Variants in CELSR1 observed in about 807,000 individuals in gnomAD.
CELSR1 encodes the protein cadherin EGF LAG seven-pass G-type receptor 1.
CELSR1 carries 110 observed loss-of-function variants against 249.1 expected under a neutral mutation model. The ratio of observed to expected loss-of-function variants is 0.44; its 90% confidence interval spans 0.38 to 0.52. The LOEUF (loss-of-function observed/expected upper bound fraction) is 0.52. CELSR1 is among the 20% of genes least tolerant of loss of function. CELSR1 has a pLI of 0.00. For synonymous variants in CELSR1, 2,113 were observed against 1,900.0 expected (o/e 1.11, Z -2.92); for missense variants, 4,109 against 4,296.4 (o/e 0.96, Z 1.22).
At chr22:46,376,999 G>T in intron 24 of CELSR1, 62 bp downstream of exon 24, 1 of 1,558,716 alleles carries the variant, frequency 6.4e-7, no homozygotes, top group Non-Finnish European at 8.7e-7. Context: ...GCCAGGACAG[G>T]ACTATGGTAG....
chr22:46,480,833 T>C (rs1250522981), intron 1 of CELSR1, among the ~76,000 whole-genome samples: 7 of 152,248 alleles, frequency 4.6e-5, no homozygotes, highest in Admixed American at 3.9e-4. Flanking sequence ...CTTTTTTCCG[T>C]TTCATTTTTT....
rs1270067212 is a variant in CELSR1, at chr22:46,398,252, T to C, written c.5526+272A>G. Among the ~76,000 whole-genome samples the C allele has an allele frequency of 1.3e-5, 2 of 151,920 alleles. No individual in the cohort carries two copies. The highest frequency in any genetic ancestry group is 2.9e-5 in the Non-Finnish European group (2 of 67,956). On this transcript the variant is annotated intron_variant, in intron 11 of 34. Coordinates refer to ENST00000674500, the MANE Select transcript of CELSR1 (RefSeq NM_001378328.1). The surrounding 1 kb of genome is among the most constrained non-coding windows in gnomAD (Gnocchi z 7.2). Reference sequence around the variant, plus strand: ...GTGGGGGTGGCGGCAAGGGGCTCGATTCAGGACACTTCACAAAGGCAGAGG... The same window carrying C: ...GTGGGGGTGGCGGCAAGGGGCTCGACTCAGGACACTTCACAAAGGCAGAGG...
chr22:46,451,012 A>T (rs1222880474), intron 2 of CELSR1, among the ~76,000 whole-genome samples: 1 of 152,002 alleles, frequency 6.6e-6, no homozygotes, highest in Admixed American at 6.6e-5. Flanking sequence ...CCTTCCTGAG[A>T]CAGGAGGCAC....
chr22:46,464,022 G>C lies in CELSR1; in HGVS notation c.3868C>G (p.Leu1290Val). The change falls in exon 2 of 35, where the codon CTG becomes GTG. Residue 1290 changes from leucine to valine, a missense_variant. By Grantham distance (32) the Leu-to-Val change is conservative (BLOSUM62 1). Around this residue, in one of 7 missense-constraint regions of CELSR1, gnomAD observed 141 missense variants for 209.4 expected, o/e 0.67. Coordinates refer to ENST00000674500, the MANE Select transcript of CELSR1 (RefSeq NM_001378328.1). The surrounding 1 kb of genome is among the most constrained non-coding windows in gnomAD (Gnocchi z 8.5). Reference sequence around the variant, plus strand: ...CGCTGCGTGGAGATGGTGGTCAGCAGCGTCCGATTCAGGTAGATCTGCTCC... The same window carrying C: ...CGCTGCGTGGAGATGGTGGTCAGCACCGTCCGATTCAGGTAGATCTGCTCC... Reference protein sequence around the residue: ...LQEQIYLNRTLLTTISTQRVL... With the variant: ...LQEQIYLNRTVLTTISTQRVL... The C allele has an allele frequency of 6.2e-7, 1 of 1,613,844 alleles. No homozygotes were observed. The highest frequency in any genetic ancestry group is 8.5e-7 in the Non-Finnish European group (1 of 1,180,042).
chr22:46,528,272 G>A (rs1257768547), intron 1 of CELSR1, among the ~76,000 whole-genome samples: 1 of 152,104 alleles, frequency 6.6e-6, no homozygotes, highest in East Asian at 1.9e-4. Flanking sequence ...AACACTTAGG[G>A]AAGCTTTATC....
rs111901233 is a variant in CELSR1, at chr22:46,498,697, C to G, written c.3545-34352G>C. ...TGGACAGGGAGGTGACAGACGCTTCCTCTCCTGTGGCTGTGGAATGAGGTT... is the reference window on the plus strand; with the variant it reads ...TGGACAGGGAGGTGACAGACGCTTCGTCTCCTGTGGCTGTGGAATGAGGTT... On this transcript the variant is annotated intron_variant, in intron 1 of 34. Coordinates refer to ENST00000674500, the MANE Select transcript of CELSR1 (RefSeq NM_001378328.1). Among the ~76,000 whole-genome samples, 159 of 152,126 alleles carry G rather than the reference C, an allele frequency of 1.0e-3. 1 individual carries two copies. Among genetic ancestry groups the G allele is most frequent in the African/African-American group, 3.8e-3 (157 of 41,502 alleles).
chr22:46,363,140 G>C lies in CELSR1; in HGVS notation c.*83C>G, dbSNP rs61411165. On this transcript the variant is annotated 3_prime_UTR_variant, in exon 35 of 35. Coordinates refer to ENST00000674500, the MANE Select transcript of CELSR1 (RefSeq NM_001378328.1). This position sits in a 1 kb window ranked among gnomAD's most constrained non-coding sequence, Gnocchi z 4.3. ...TGGCCCCTTGGGCTCCAAGGTCTGA[G>C]GGTGATGCCGCAGCCTGTGTGGGGT... The C allele has an allele frequency of 6.2e-7, 1 of 1,613,706 alleles. No individual in the cohort carries two copies. Among genetic ancestry groups the C allele is most frequent in the Non-Finnish European group, 8.5e-7 (1 of 1,179,912 alleles).
rs1292641656 is a variant in CELSR1 at position 46,517,572 on chromosome 22, C to T, written c.3544+16055G>A. ...CAGTAAGGTGCCCCTGCAGACACGC[C>T]GCAAAACACGCCCCTGAGCTTCCCG... On this transcript the variant is annotated intron_variant, in intron 1 of 34. Coordinates refer to ENST00000674500, the MANE Select transcript of CELSR1 (RefSeq NM_001378328.1). This position sits in a 1 kb window ranked among gnomAD's most constrained non-coding sequence, Gnocchi z 5.4. Among the ~76,000 whole-genome samples the T allele has an allele frequency of 1.3e-5, 2 of 152,174 alleles. No individual in the cohort carries two copies. The highest frequency in any genetic ancestry group is 2.1e-4 in the South Asian group (1 of 4,832).
chr22:46,443,248 G>A (rs371931726), intron 2 of CELSR1, among the ~76,000 whole-genome samples: 4 of 152,198 alleles, frequency 2.6e-5, no homozygotes, highest in East Asian at 3.8e-4. Context: ...CAGTAACCCC[G>A]AGGGCTCACA....
rs1168270091 is a variant in CELSR1 at position 46,488,418 on chromosome 22, A to C, written c.3545-24073T>G. Among the ~76,000 whole-genome samples, 1 of 152,134 alleles carries C rather than the reference A, an allele frequency of 6.6e-6. No individual in the cohort carries two copies. The highest frequency in any genetic ancestry group is 2.4e-5 in the African/African-American group (1 of 41,422). On this transcript the variant is annotated intron_variant, in intron 1 of 34. Transcript: ENST00000674500. The surrounding 1 kb of genome is among the most constrained non-coding windows in gnomAD (Gnocchi z 4.7). Reference sequence around the variant, plus strand: ...CTACAGCCGGCGAGTGCAGCACAGGAGGCCACCGTAGTGCCATAGAGCGTG... The same window carrying C: ...CTACAGCCGGCGAGTGCAGCACAGGCGGCCACCGTAGTGCCATAGAGCGTG...
chr22:46,455,698 G>A (rs1037344255), intron 2 of CELSR1, among the ~76,000 whole-genome samples: 5 of 152,206 alleles, frequency 3.3e-5, no homozygotes, highest in Non-Finnish European at 5.9e-5. Flanking sequence ...GGACTGCAGG[G>A]TGTGAGGACC....
At chr22:46,513,815 G>A (rs1250240929) in intron 1 of CELSR1, among the ~76,000 whole-genome samples, 6 of 152,016 alleles carry the variant, frequency 3.9e-5, no homozygotes, top group Admixed American at 1.3e-4. Flanking sequence ...GTTTTGAGAC[G>A]GAGTCTTGCT....
intron 1 of CELSR1, among the ~76,000 whole-genome samples, chr22:46,502,511 A>G (rs1253939097): frequency 2.2e-5 from 3 of 138,618 alleles, no homozygotes; most frequent in East Asian, 2.1e-4. Flanking sequence ...GAGGGAAGAG[A>G]GGGAGGGAAA....
chr22:46,461,668 G>C (rs148493820), intron 2 of CELSR1, among the ~76,000 whole-genome samples: 2,027 of 152,378 alleles, frequency 0.013, 36 homozygotes, highest in African/African-American at 0.047. Flanking sequence ...AACAGGCTGG[G>C]GGAGGTCTGG....
At position 46,367,026 on chromosome 22, in the gene CELSR1, C is replaced by T; in HGVS notation, c.8172G>A (p.Glu2724=). 2 of 1,610,698 alleles carry T rather than the reference C, an allele frequency of 1.2e-6. No homozygotes were observed. The change falls in exon 29 of 35, where the codon GAG becomes GAA. Residue 2724 remains glutamate, a synonymous_variant. Coordinates refer to ENST00000674500, the MANE Select transcript of CELSR1 (RefSeq NM_001378328.1). The part of the protein sequence containing the change: ...GVLGGRKLHL[E]DSATTRATLL... ...GGGTGGCCCTGGTGGTGGCGGAGTC[C>T]TCCAGGTGCAGCTTCCTCCCGCCGA...
In CELSR1 at chr22:46,434,015, C is replaced by T. The variant is rs1008970126; in HGVS notation, c.4523-534G>A. ...TTTTCTAAATATGAAAAAATATAAACACGGAAAACCCATCTGTCTGTACCA... is the reference window on the plus strand; with the variant it reads ...TTTTCTAAATATGAAAAAATATAAATACGGAAAACCCATCTGTCTGTACCA... On this transcript the variant is annotated intron_variant, in intron 4 of 34. Coordinates refer to ENST00000674500, the MANE Select transcript of CELSR1 (RefSeq NM_001378328.1). The surrounding 1 kb of genome is among the most constrained non-coding windows in gnomAD (Gnocchi z 4.9). Among the ~76,000 whole-genome samples the T allele has an allele frequency of 6.6e-6, 1 of 152,164 alleles. No individual in the cohort carries two copies. Among genetic ancestry groups the T allele is most frequent in the Admixed American group, 6.6e-5 (1 of 15,264 alleles).
intron 17 of CELSR1, 48 bp from the exon 18 acceptor site, chr22:46,389,547 T>G: frequency 3.2e-6 from 5 of 1,570,200 alleles, no homozygotes; most frequent in Non-Finnish European, 4.4e-6. Flanking sequence ...CTTCGGCCGC[T>G]TTCAGTCCCT....
In CELSR1 at chr22:46,378,562, G is replaced by C. The variant is rs777464466; in HGVS notation, c.7383+29C>G. On this transcript the variant is annotated intron_variant, in intron 23 of 34. Coordinates refer to ENST00000674500, the MANE Select transcript of CELSR1 (RefSeq NM_001378328.1). ...GGGCAGGTTTGGCGGTAGGCCCAGAGGGCACAGTGGCCACGGGAGGATGCC... is the reference window on the plus strand; with the variant it reads ...GGGCAGGTTTGGCGGTAGGCCCAGACGGCACAGTGGCCACGGGAGGATGCC... 5.8e-5 allele frequency: 90 copies of C among 1,546,276 alleles called. No individual in the cohort carries two copies. In the East Asian group the frequency reaches 1.1e-3, roughly 18 times the overall value.
At chr22:46,483,550 C>T (rs552975517) in intron 1 of CELSR1, among the ~76,000 whole-genome samples, 1 of 152,146 alleles carries the variant, frequency 6.6e-6, no homozygotes, top group African/African-American at 2.4e-5. Context: ...CCTCTATGTG[C>T]TTTGGTTTCC....
Sources: allele counts gnomAD v4.1 joint callset (sites outside exome capture counted in the v4.1 genomes callset), GRCh38; gene constraint gnomAD v4.1.1; regional missense constraint gnomAD v4.1.1; non-coding constraint Gnocchi (gnomAD v3.1); transcripts MANE v1.5; gene names NCBI Gene and HGNC (gene_info 2026-07-23, HGNC 2026-07-21).